Variants in ATP10A observed in about 807,000 individuals in gnomAD.
The protein encoded by ATP10A is phospholipid-transporting ATPase VA.
Under a neutral mutation model 147.8 loss-of-function variants are expected in ATP10A, and 111 were observed. That is an observed-to-expected ratio of 0.75 (90% CI 0.64 to 0.88). ATP10A has a LOEUF of 0.88. Among genes scored for constraint, ATP10A ranks in the 40% least tolerant of loss-of-function variants. The probability of loss-of-function intolerance (pLI) is 0.00; values close to 1 mark genes in which losing one functional copy is unlikely to be tolerated. For synonymous variants in ATP10A, 875 were observed against 841.6 expected (o/e 1.04, Z -0.69); for missense variants, 1,927 against 1,959.0 (o/e 0.98, Z 0.31).
chr15:25,721,949 A>C, intron 6 of ATP10A, 40 bp from the exon 7 acceptor site: 1 of 1,584,960 alleles, frequency 6.3e-7, no homozygotes, highest in Non-Finnish European at 8.6e-7. Context: ...GACCGTGAGG[A>C]CCAGGGAGCT....
chr15:25,796,464 T>A (rs1013862762), intron 1 of ATP10A, among the ~76,000 whole-genome samples: 1 of 152,258 alleles, frequency 6.6e-6, no homozygotes, highest in African/African-American at 2.4e-5. Flanking sequence ...GCCTCTTTAA[T>A]GCACACTGCC....
chr15:25,735,016 G>A (rs963777270), intron 3 of ATP10A, among the ~76,000 whole-genome samples: 2 of 135,830 alleles, frequency 1.5e-5, no homozygotes, highest in South Asian at 5.0e-4. Context: ...GGGGGGGGTG[G>A]GGGGGTGGGG....
chr15:25,717,081 A>G (rs1328471099), intron 8 of ATP10A, among the ~76,000 whole-genome samples, 157 bp from the exon 9 acceptor site: 1 of 152,210 alleles, frequency 6.6e-6, no homozygotes, highest in South Asian at 2.1e-4. Flanking sequence ...AATTACTTAC[A>G]ATTTTAATTG....
At chr15:25,807,834 A>AC (rs1891264203) in intron 1 of ATP10A, among the ~76,000 whole-genome samples, 1 of 151,024 alleles carries the variant, frequency 6.6e-6, no homozygotes, top group South Asian at 2.1e-4. Flanking sequence ...GAAAAAAAAA[A>AC]CCCAACATGT....
At chr15:25,844,577 G>A (rs1027203366) in intron 1 of ATP10A, among the ~76,000 whole-genome samples, 2 of 152,174 alleles carry the variant, frequency 1.3e-5, no homozygotes, top group Admixed American at 1.3e-4. Context: ...TAAAATGTAG[G>A]GAGAACAAGC....
intron 2 of ATP10A, among the ~76,000 whole-genome samples, chr15:25,754,913 A>G (rs1173698846): frequency 1.3e-5 from 2 of 152,206 alleles, no homozygotes; most frequent in African/African-American, 4.8e-5. Context: ...ATTGGCATTC[A>G]GGATCCTCAA....
chr15:25,864,652 G>A (rs1362477830), upstream of ATP10A, among the ~76,000 whole-genome samples: 1 of 152,188 alleles, frequency 6.6e-6, no homozygotes, highest in African/African-American at 2.4e-5. Flanking sequence ...CACAGGGGTG[G>A]GCTTTTGACA....
chr15:25,695,569 C>A (rs1451285255), intron 13 of ATP10A, among the ~76,000 whole-genome samples: 1 of 152,080 alleles, frequency 6.6e-6, no homozygotes, highest in African/African-American at 2.4e-5. Flanking sequence ...GCGGAGCTTG[C>A]AGTGAGCCAA....
chr15:25,852,363 G>C (rs1029154235), intron 1 of ATP10A, among the ~76,000 whole-genome samples: 1 of 152,204 alleles, frequency 6.6e-6, no homozygotes, highest in South Asian at 2.1e-4. Flanking sequence ...ACACTGGGAT[G>C]AAGAGAAATG....
intron 2 of ATP10A, among the ~76,000 whole-genome samples, chr15:25,769,901 A>G (rs1889245429): frequency 6.6e-6 from 1 of 152,180 alleles, no homozygotes; most frequent in South Asian, 2.1e-4. Flanking sequence ...GGTGACTGAG[A>G]TGGACCCTGA....
At position 25,773,192 on chromosome 15, in the gene ATP10A, C is replaced by T. The variant is rs142508303; in HGVS notation, c.654+7827G>A. 4.2e-3 allele frequency among the ~76,000 whole-genome samples: 636 copies of T among 152,188 alleles called. 4 individuals are homozygous for T. The highest frequency in any genetic ancestry group is 0.013 in the African/African-American group (551 of 41,506). ...GTTCATGGATCTCTGCTGCTGTAGA[C>T]GGGCGAAACTCTAAGGAAGCCCTAA... On this transcript the variant is annotated intron_variant, in intron 2 of 20. Coordinates refer to ENST00000555815, the MANE Select transcript of ATP10A (RefSeq NM_024490.4).
chr15:25,736,291 G>C (rs902383079), intron 2 of ATP10A, 150 bp from the exon 3 acceptor site: 1 of 660,518 alleles, frequency 1.5e-6, no homozygotes, highest in Non-Finnish European at 2.8e-6. Context: ...CCAAAGCAAC[G>C]CCTTCTCCAC....
At chr15:25,731,732 G>A (rs1886947075) in intron 3 of ATP10A, among the ~76,000 whole-genome samples, 1 of 152,176 alleles carries the variant, frequency 6.6e-6, no homozygotes, top group Non-Finnish European at 1.5e-5. Flanking sequence ...ACTATATGAG[G>A]ATCCTTCCAA....
intron 1 of ATP10A, among the ~76,000 whole-genome samples, chr15:25,784,598 C>T (rs1005224459): frequency 2.0e-5 from 3 of 152,090 alleles, no homozygotes; most frequent in Non-Finnish European, 4.4e-5. Context: ...GGAAGGGGTT[C>T]CTCATGGGCT....
intron 1 of ATP10A, among the ~76,000 whole-genome samples, chr15:25,842,994 C>T (rs1892870417): frequency 6.6e-6 from 1 of 152,184 alleles, no homozygotes; most frequent in African/African-American, 2.4e-5. Context: ...GCTAGGATTC[C>T]AGGCACAAGC....
chr15:25,707,554 G>C (rs559709221), intron 12 of ATP10A, among the ~76,000 whole-genome samples: 1 of 152,180 alleles, frequency 6.6e-6, no homozygotes, highest in African/African-American at 2.4e-5. Flanking sequence ...ACATATTTCA[G>C]TAAAAATGAG....
intron 2 of ATP10A, among the ~76,000 whole-genome samples, chr15:25,776,579 A>G (rs1889617186): frequency 6.6e-6 from 1 of 152,198 alleles, no homozygotes; most frequent in African/African-American, 2.4e-5. Context: ...CAATTCTTGG[A>G]TAACATCCAT....
At chr15:25,703,717 T>A (rs79708501) in intron 12 of ATP10A, among the ~76,000 whole-genome samples, 1,583 of 152,300 alleles carry the variant, frequency 0.01, 25 homozygotes, top group African/African-American at 0.036. Context: ...ACAAGTCACA[T>A]ACCAGTGTCA....
chr15:25,679,441 G>A lies in ATP10A; in HGVS notation c.4400C>T (p.Ala1467Val), dbSNP rs771012252. The A allele has an allele frequency of 8.7e-6, 14 of 1,613,868 alleles. No individual in the cohort carries two copies. Among genetic ancestry groups the A allele is most frequent in the Admixed American group, 3.3e-5 (2 of 60,004 alleles). ...SRTEQLADGQ[A>V]GRGLPVQPHS... ...GGGCTGGACAGGAAGTCCACGTCCC[G>A]CTTGTCCATCTGCAAGCTGCTCCGT... is the stretch of plus-strand genomic sequence containing the variant. Residue 1467 changes from alanine (A) to valine (V), a missense_variant, in exon 21 of 21, where the codon GCG becomes GTG. Ala to Val is a moderately conservative substitution (Grantham distance 64). Transcript: ENST00000555815.
Sources: gnomAD v4.1 joint callset for allele counts (sites outside exome capture counted in the v4.1 genomes callset) on GRCh38, gnomAD v4.1.1 for gene constraint, MANE v1.5 for transcripts, NCBI Gene and HGNC (gene_info 2026-07-23, HGNC 2026-07-21) for gene names.